The following DHX29 variants were observed in gnomAD, a reference collection of about 807,000 sequenced individuals.
The protein encoded by DHX29 is DExH-box helicase 29.
In DHX29, 79 loss-of-function variants were observed where a neutral mutation model predicts 167.9. The ratio of observed to expected loss-of-function variants is 0.47; its 90% CI spans 0.39 to 0.57. DHX29 has a LOEUF of 0.57. DHX29 is among the 20% of genes least tolerant of loss of function. DHX29 has a pLI of 0.00. For synonymous variants in DHX29, 530 were observed against 546.0 expected (o/e 0.97, Z 0.41); for missense variants, 1,347 against 1,593.4 (o/e 0.85, Z 2.63).
chr5:55,288,424 C>T (rs1747857831), intron 8 of DHX29, among the ~76,000 whole-genome samples: 1 of 150,538 alleles, frequency 6.6e-6, no homozygotes, highest in Non-Finnish European at 1.5e-5. Flanking sequence ...AACTATAGTA[C>T]ATAATACTAT....
Position 55,256,547 on chromosome 5 carries a change from G to T in DHX29, c.4058-7C>A. The T allele has an allele frequency of 6.3e-7, 1 of 1,579,500 alleles. No individual in the cohort carries two copies. The highest frequency in any genetic ancestry group is 8.6e-7 in the Non-Finnish European group (1 of 1,169,334). On this transcript the variant is annotated splice_polypyrimidine_tract_variant and splice_region_variant and intron_variant, in intron 26 of 26. Transcript: ENST00000251636. ...ATCTGCAGAATCTTGTCATCTGAGT[G>T]GAAGGAAAAAAAAAAGCCACGAATA...
chr5:55,268,014 T>C (rs1282743879), intron 21 of DHX29, among the ~76,000 whole-genome samples, 192 bp from the exon 22 acceptor site: 3 of 152,168 alleles, frequency 2.0e-5, no homozygotes, highest in Non-Finnish European at 4.4e-5. Flanking sequence ...AGCTAACTTA[T>C]ATTTTCATTT....
chr5:55,270,069 T>C (rs1472206204), intron 20 of DHX29, among the ~76,000 whole-genome samples: 1 of 152,034 alleles, frequency 6.6e-6, no homozygotes, highest in African/African-American at 2.4e-5. Flanking sequence ...TTTAGGAGTA[T>C]CCCAGATCTC....
intron 6 of DHX29, 146 bp from the exon 7 acceptor site, chr5:55,290,490 G>T: frequency 2.9e-6 from 3 of 1,029,742 alleles, no homozygotes; most frequent in Non-Finnish European, 4.0e-6. Flanking sequence ...TTTTCATAGA[G>T]AAATAAAACA....
intron 18 of DHX29, among the ~76,000 whole-genome samples, chr5:55,271,699 T>G (rs187563864): frequency 5.9e-5 from 9 of 152,360 alleles, no homozygotes; most frequent in Admixed American, 3.3e-4. Flanking sequence ...GGTTATATGT[T>G]ACATTACTTG....
chr5:55,302,843 A>G (rs1007074522), intron 1 of DHX29, among the ~76,000 whole-genome samples: 2 of 152,204 alleles, frequency 1.3e-5, no homozygotes, highest in Non-Finnish European at 2.9e-5. Context: ...AGTAAAGTGC[A>G]TAAGATTTAT....
Position 55,275,005 on chromosome 5 carries a change from G to A in DHX29, c.2433C>T (p.Tyr811=). 1 of 1,609,898 alleles carries A rather than the reference G, an allele frequency of 6.2e-7. No homozygotes were observed. The highest frequency in any genetic ancestry group is 1.3e-5 in the African/African-American group (1 of 74,814). Reference sequence around the variant, plus strand: ...CATGTGCTCCAGTCTGAACTGGGATGTATTCCTAAAAGAAATCCAACCAGA... The same window carrying A: ...CATGTGCTCCAGTCTGAACTGGGATATATTCCTAAAAGAAATCCAACCAGA... ...KAGGIKKYQE[Y]IPVQTGAHAD... The change falls in exon 15 of 27, where the codon TAC becomes TAT. Residue 811 remains tyrosine, a synonymous_variant. Coordinates refer to ENST00000251636, the MANE Select transcript of DHX29 (RefSeq NM_019030.4).
At chr5:55,284,290 T>C (rs1449294963) in intron 10 of DHX29, among the ~76,000 whole-genome samples, 2 of 152,254 alleles carry the variant, frequency 1.3e-5, no homozygotes, top group Non-Finnish European at 2.9e-5. Flanking sequence ...ATATAAAATG[T>C]TAATGAACCA....
intron 12 of DHX29, among the ~76,000 whole-genome samples, chr5:55,279,863 C>T (rs1306454881): frequency 6.6e-6 from 1 of 150,612 alleles, no homozygotes; most frequent in East Asian, 1.9e-4. Context: ...CAAGCCACTG[C>T]TCCTGGCCAG....
Position 55,261,514 on chromosome 5 carries a change from G to T in DHX29, c.3829-15C>A. On this transcript the variant is annotated splice_polypyrimidine_tract_variant and intron_variant, in intron 24 of 26. Coordinates refer to ENST00000251636, the MANE Select transcript of DHX29 (RefSeq NM_019030.4). ...GCATACCTTATCTACATGGGAAAAA[G>T]GGGGGAAAATAACTTCAAAATATAA... The T allele has an allele frequency of 6.7e-7, 1 of 1,498,288 alleles. No individual in the cohort carries two copies. The highest frequency in any genetic ancestry group is 1.2e-5 in the South Asian group (1 of 81,506). 92.8% of individuals were successfully genotyped at this position (1,498,288 alleles called of 1,614,324 possible). A position where few individuals can be genotyped will look rare whatever the true frequency, so the allele number is the denominator to read the frequency against.
intron 6 of DHX29, 131 bp from the exon 7 acceptor site, chr5:55,290,475 G>T: frequency 8.8e-7 from 1 of 1,140,356 alleles, no homozygotes; most frequent in Non-Finnish European, 1.2e-6. Flanking sequence ...TCTACTTTTA[G>T]GAATTTTTCA....
In DHX29 at chr5:55,273,373, T is replaced by C. The variant is rs756057997; in HGVS notation, c.2695A>G (p.Lys899Glu). 10 of 1,567,816 alleles carry C rather than the reference T, an allele frequency of 6.4e-6. No individual in the cohort carries two copies. The highest frequency in any genetic ancestry group is 5.2e-6 in the Non-Finnish European group (6 of 1,150,796). The change falls in exon 17 of 27, where the codon AAA (lysine) becomes GAA (glutamate). Residue 899 changes from lysine (K) to glutamate (E), a missense_variant. Lys to Glu is a moderately conservative substitution (Grantham distance 56, BLOSUM62 1). Around this residue, in one of 3 missense-constraint regions of DHX29, gnomAD observed 882 missense variants for 1,082.4 expected, o/e 0.81. Transcript: ENST00000251636. ...AGAATAGAATGCAGAGCTATCACTT[T>C]ATATCTGAAAGTTAAAATCATAGTT... Reference protein sequence around the residue: ...NDRRFYSERYKVIALHSILST... With the variant: ...NDRRFYSERYEVIALHSILST...
Position 55,261,360 on chromosome 5 carries a change from C to T in DHX29, c.3960+8G>A. On this transcript the variant is annotated splice_region_variant and intron_variant, in intron 25 of 26. Coordinates refer to ENST00000251636, the MANE Select transcript of DHX29 (RefSeq NM_019030.4). ...TTAATAATCAATAAAATCAGTTGTA[C>T]TATGTACCTGAAAATAGATCCAGCC... 1 of 1,529,730 alleles carries T rather than the reference C, an allele frequency of 6.5e-7. No homozygotes were observed. The highest frequency in any genetic ancestry group is 9.0e-7 in the Non-Finnish European group (1 of 1,114,836). 94.8% of individuals were successfully genotyped at this position (1,529,730 alleles called of 1,614,324 possible). A position where few individuals can be genotyped will look rare whatever the true frequency, so the allele number is the denominator to read the frequency against.
At chr5:55,294,576 G>A (rs1330995902) in intron 5 of DHX29, among the ~76,000 whole-genome samples, 1 of 152,234 alleles carries the variant, frequency 6.6e-6, no homozygotes, top group African/African-American at 2.4e-5. Flanking sequence ...TCGGGAGGCT[G>A]AGGCAGGAGA....
chr5:55,276,522 T>C (rs1485626511), intron 13 of DHX29, 116 bp from the exon 14 acceptor site: 3 of 827,038 alleles, frequency 3.6e-6, no homozygotes, highest in African/African-American at 3.6e-5. Context: ...TTTAGAATAT[T>C]ATGAAAAAAA....
rs756623060 is a variant in DHX29, at chr5:55,283,286, TACAG to T, written c.1878_1881del (p.Cys627ProfsTer11). 6.2e-7 allele frequency: 1 copy of T among 1,614,124 alleles called. No individual in the cohort carries two copies. Among genetic ancestry groups the T allele is most frequent in the Non-Finnish European group, 8.5e-7 (1 of 1,179,966 alleles). ...ACTGCTGAGATTCTTCGGGGTTGGG[TACAG>T]ACAATGTTACATTTACTTGCTTCCC... On this transcript the variant is annotated frameshift_variant, in exon 11 of 27. Transcript: ENST00000251636. LOFTEE classifies it high-confidence loss of function.
At chr5:55,300,591 T>A (rs1322680705) in intron 1 of DHX29, among the ~76,000 whole-genome samples, 1 of 152,086 alleles carries the variant, frequency 6.6e-6, no homozygotes, top group African/African-American at 2.4e-5. Flanking sequence ...GAGAACTGCT[T>A]TAACCCAGGA....
chr5:55,296,408 A>G (rs1325399414), intron 3 of DHX29, 59 bp from the exon 4 acceptor site: 1 of 1,528,294 alleles, frequency 6.5e-7, no homozygotes, highest in East Asian at 2.3e-5. Flanking sequence ...CTGTGTTACT[A>G]ATTATCCCAT....
chr5:55,273,980 G>C (rs899539841), intron 16 of DHX29, among the ~76,000 whole-genome samples: 2 of 151,708 alleles, frequency 1.3e-5, no homozygotes, highest in Non-Finnish European at 1.5e-5. Flanking sequence ...CCAGCTACTT[G>C]GGGAGGTTGA....
Sources: allele counts gnomAD v4.1 joint callset (sites outside exome capture counted in the v4.1 genomes callset), GRCh38; gene constraint gnomAD v4.1.1; regional missense constraint gnomAD v4.1.1; transcripts MANE v1.5; gene names NCBI Gene and HGNC (gene_info 2026-07-23, HGNC 2026-07-21).